SETD2: variants seen among roughly 807,000 people sequenced by gnomAD.
The protein encoded by SETD2 is SET domain containing 2, histone lysine methyltransferase.
A neutral mutation model predicts 242.1 loss-of-function variants in SETD2; 31 were observed. The observed-to-expected ratio is 0.13, with a 90% confidence interval of 0.10 to 0.17. The LOEUF (loss-of-function observed/expected upper bound fraction) is 0.17, where lower values mean the gene tolerates loss of function less well. Ranked by LOEUF, SETD2 falls within the 10% of genes least tolerant of loss-of-function variation. The pLI is 1.00. For missense variants in SETD2, 2,481 were observed against 3,046.3 expected, an observed-to-expected ratio of 0.81 and a Z score of 4.37; for synonymous variants, 1,006 against 1,066.5, an observed-to-expected ratio of 0.94 and a Z score of 1.11.
intron 15 of SETD2, among the ~76,000 whole-genome samples, chr3:47,047,736 C>A (rs1423816156): frequency 2.0e-5 from 3 of 152,102 alleles, no homozygotes; most frequent in African/African-American, 7.2e-5. Flanking sequence ...GACTGAAAAA[C>A]ATTAATTGTT....
At chr3:47,053,121 C>T (rs6763236) in intron 15 of SETD2, among the ~76,000 whole-genome samples, 83,778 of 151,728 alleles carry the variant, frequency 0.55, 23,327 homozygotes, top group Non-Finnish European at 0.58. Flanking sequence ...CTCCTGACTT[C>T]AGGTGATCTG....
intron 9 of SETD2, among the ~76,000 whole-genome samples, chr3:47,091,492 G>T (rs1162772349): frequency 6.6e-6 from 1 of 152,098 alleles, no homozygotes; most frequent in Non-Finnish European, 1.5e-5. Context: ...GCCAGGCACG[G>T]TGGCTCACGC....
At chr3:47,039,738 G>A (rs972877816) in intron 17 of SETD2, among the ~76,000 whole-genome samples, 3 of 147,760 alleles carry the variant, frequency 2.0e-5, no homozygotes, top group Non-Finnish European at 4.5e-5. Flanking sequence ...AAAATTAGTT[G>A]GGCATGGTGG....
rs772220706 is a variant in SETD2, at chr3:47,120,491, G to C, written c.4145C>G (p.Ala1382Gly). The part of the protein sequence containing the change: ...ISSNSIKDTL[A>G]VNEKKDFSKN... Reference sequence around the variant, plus strand: ...TGAAAAATCTTTCTTTTCATTCACAGCTAAAGTGTCCTTAATGGAATTGCT... The same window carrying C: ...TGAAAAATCTTTCTTTTCATTCACACCTAAAGTGTCCTTAATGGAATTGCT... The change falls in exon 3 of 21, where the codon GCT becomes GGT. Residue 1382 changes from alanine to glycine, a missense_variant. This residue lies in a region of SETD2 where 1,300 missense variants were observed against 1,259.2 expected (regional missense o/e 1.03). Transcript: ENST00000409792. 1 of 1,613,710 alleles carries C rather than the reference G, an allele frequency of 6.2e-7. No individual in the cohort carries two copies. The highest frequency in any genetic ancestry group is 8.5e-7 in the Non-Finnish European group (1 of 1,179,936).
rs1343683331 is a variant in SETD2, at chr3:47,068,489, CTATCT to C, written c.6061-1376_6061-1372del. On this transcript the variant is annotated intron_variant, in intron 12 of 20. Transcript: ENST00000409792. ...TATCATGCTGAACATTTCAAATACA[CTATCT>C]TTTTTTTTTTTTTTTTTTTTGAGAC... Among the ~76,000 whole-genome samples the C allele has an allele frequency of 6.6e-4, 94 of 142,418 alleles. 1 individual carries two copies. Among genetic ancestry groups the C allele is most frequent in the African/African-American group, 2.4e-3 (90 of 37,878 alleles). 93.4% of individuals were successfully genotyped at this position (142,418 alleles called of 152,430 possible). A position where few individuals can be genotyped will look rare whatever the true frequency, so the allele number is the denominator to read the frequency against.
At chr3:47,064,228 C>T (rs2040460278) in intron 13 of SETD2, among the ~76,000 whole-genome samples, 1 of 152,202 alleles carries the variant, frequency 6.6e-6, no homozygotes, top group Non-Finnish European at 1.5e-5. Context: ...GCATTTCTCA[C>T]AGTTCTTTTA....
intron 14 of SETD2, among the ~76,000 whole-genome samples, chr3:47,060,364 T>C (rs1575706509): frequency 6.6e-6 from 1 of 152,082 alleles, no homozygotes; most frequent in African/African-American, 2.4e-5. Context: ...AGGAAGCAGA[T>C]TTTAAAGAAG....
chr3:47,138,008 G>A (rs1350228560), intron 1 of SETD2, among the ~76,000 whole-genome samples: 1 of 151,440 alleles, frequency 6.6e-6, no homozygotes, highest in East Asian at 1.9e-4. Context: ...GTCTCGCTCT[G>A]TCGCCCAGGC....
intron 18 of SETD2, among the ~76,000 whole-genome samples, chr3:47,024,433 T>C (rs1041520870): frequency 1.3e-5 from 2 of 151,570 alleles, no homozygotes; most frequent in African/African-American, 4.9e-5. Flanking sequence ...GATCACACCA[T>C]TGCACTCCAG....
chr3:47,100,167 C>T (rs1284804374), intron 8 of SETD2, among the ~76,000 whole-genome samples: 1 of 151,990 alleles, frequency 6.6e-6, no homozygotes, highest in Non-Finnish European at 1.5e-5. Flanking sequence ...ATCTCGAACT[C>T]TTGACCTCGT....
chr3:47,108,170 G>A (rs2042512614), intron 5 of SETD2, among the ~76,000 whole-genome samples: 1 of 151,890 alleles, frequency 6.6e-6, no homozygotes, highest in Non-Finnish European at 1.5e-5. Flanking sequence ...ACTTAAAAAA[G>A]AGAGAAAAAG....
At chr3:47,044,685 C>T (rs1362468600) in intron 16 of SETD2, among the ~76,000 whole-genome samples, 1 of 152,200 alleles carries the variant, frequency 6.6e-6, no homozygotes, top group Non-Finnish European at 1.5e-5. Context: ...TATCCTCCTA[C>T]ATATGTTGCA....
intron 1 of SETD2, among the ~76,000 whole-genome samples, chr3:47,153,788 G>A (rs926313506): frequency 1.3e-5 from 2 of 150,876 alleles, no homozygotes; most frequent in Non-Finnish European, 2.9e-5. Context: ...CCACTTAAAT[G>A]CCTTCAGTTT....
At chr3:47,052,182 A>G (rs1378525598) in intron 15 of SETD2, among the ~76,000 whole-genome samples, 1 of 152,146 alleles carries the variant, frequency 6.6e-6, no homozygotes, top group Admixed American at 6.6e-5. Context: ...TCTGTATCAC[A>G]GAAAAACATG....
intron 13 of SETD2, among the ~76,000 whole-genome samples, chr3:47,062,844 G>A (rs1575710384): frequency 6.6e-6 from 1 of 152,072 alleles, no homozygotes. Context: ...TTAGGAGGCT[G>A]AGCTGGGAGG....
chr3:47,035,401 T>C (rs1236225572), intron 18 of SETD2, among the ~76,000 whole-genome samples: 1 of 152,220 alleles, frequency 6.6e-6, no homozygotes, highest in Non-Finnish European at 1.5e-5. Flanking sequence ...TTTCCCTTTC[T>C]CACCAGCTAG....
chr3:47,061,873 C>A (rs984784085), intron 14 of SETD2, among the ~76,000 whole-genome samples: 1 of 152,174 alleles, frequency 6.6e-6, no homozygotes, highest in Non-Finnish European at 1.5e-5. Flanking sequence ...TTATCTCCCA[C>A]CAACCCCCAT....
chr3:47,148,109 TTTTGTTG>T (rs2043902911), intron 1 of SETD2, among the ~76,000 whole-genome samples: 2 of 56,954 alleles, frequency 3.5e-5, no homozygotes, highest in Admixed American at 1.7e-4. Context: ...TTTGGTTGTG[TTTTGTTG>T]TTGTTGTTGT....
At chr3:47,164,486 A>G (rs1228410558), upstream of SETD2, 1 of 151,944 alleles carries the variant, frequency 6.6e-6, no homozygotes, top group Non-Finnish European at 1.5e-5. The surrounding 1 kb of genome is among the most constrained non-coding windows in gnomAD (Gnocchi z 5.4). Context: ...ACTCCCCGAG[A>G]CACCCGAGAC....
Sources: gnomAD v4.1 joint callset for allele counts (sites outside exome capture counted in the v4.1 genomes callset) on GRCh38, gnomAD v4.1.1 for gene constraint, gnomAD v4.1.1 regional missense constraint, Gnocchi (gnomAD v3.1) non-coding constraint, MANE v1.5 for transcripts, NCBI Gene and HGNC (gene_info 2026-07-23, HGNC 2026-07-21) for gene names.